Variants in SYNPR observed in about 807,000 individuals in gnomAD.
The protein encoded by SYNPR is synaptoporin.
SYNPR carries 23 observed loss-of-function variants against 32.9 expected under a neutral mutation model. The observed-to-expected ratio is 0.70, with a 90% confidence interval of 0.50 to 0.99. The LOEUF is 0.99. SYNPR is among the 50% of genes least tolerant of loss of function. The pLI is 0.00. For synonymous variants in SYNPR, 146 were observed against 135.9 expected (o/e 1.07, Z -0.52); for missense variants, 318 against 349.3 (o/e 0.91, Z 0.71).
At chr3:63,401,807 A>G (rs1306661831) in intron 2 of SYNPR, among the ~76,000 whole-genome samples, 1 of 152,172 alleles carries the variant, frequency 6.6e-6, no homozygotes, top group Non-Finnish European at 1.5e-5. Context: ...TGTGGGAATC[A>G]AAATTGTGCT....
intron 2 of SYNPR, among the ~76,000 whole-genome samples, chr3:63,383,568 T>C (rs150775085): frequency 1.3e-5 from 2 of 152,164 alleles, no homozygotes; most frequent in Admixed American, 6.5e-5. Flanking sequence ...ATACAAAAAA[T>C]TAGCCAGGCA....
intron 2 of SYNPR, among the ~76,000 whole-genome samples, chr3:63,329,536 A>G (rs2087203196): frequency 6.6e-6 from 1 of 152,212 alleles, no homozygotes; most frequent in Non-Finnish European, 1.5e-5. Context: ...AATTAGAGAA[A>G]ATCTCAAAAT....
At chr3:63,420,596 A>G (rs1230534192) in intron 2 of SYNPR, among the ~76,000 whole-genome samples, 1 of 152,214 alleles carries the variant, frequency 6.6e-6, no homozygotes, top group African/African-American at 2.4e-5. Flanking sequence ...CTGAAACTAT[A>G]GTTTTAAAAA....
At chr3:63,452,426 C>T (rs17394613) in intron 2 of SYNPR, among the ~76,000 whole-genome samples, 1,990 of 152,228 alleles carry the variant, frequency 0.013, 23 homozygotes, top group Middle Eastern at 0.02. Flanking sequence ...TTAAGCCTCG[C>T]AACTATGCTT....
intron 4 of SYNPR, among the ~76,000 whole-genome samples, chr3:63,556,979 G>C (rs2106828566): frequency 6.6e-6 from 1 of 152,182 alleles, no homozygotes. Context: ...TAAATGATTA[G>C]AAATCTCATG....
chr3:63,593,906 A>G (rs952658442), intron 4 of SYNPR, among the ~76,000 whole-genome samples: 1 of 152,092 alleles, frequency 6.6e-6, no homozygotes, highest in East Asian at 1.9e-4. Context: ...ACTCTCTTCC[A>G]TTTTTAGAAC....
At chr3:63,520,070 A>C (rs950422346) in intron 3 of SYNPR, among the ~76,000 whole-genome samples, 1 of 152,172 alleles carries the variant, frequency 6.6e-6, no homozygotes, top group African/African-American at 2.4e-5. Flanking sequence ...TTTTTCACAG[A>C]ATATCTTACA....
chr3:63,394,334 C>A (rs1353860861), intron 2 of SYNPR, among the ~76,000 whole-genome samples: 1 of 152,150 alleles, frequency 6.6e-6, no homozygotes, highest in African/African-American at 2.4e-5. Flanking sequence ...CTAACTTTAA[C>A]CTTACTCACT....
chr3:63,299,489 G>T, intron 2 of SYNPR, among the ~76,000 whole-genome samples: 1 of 152,188 alleles, frequency 6.6e-6, no homozygotes, highest in Admixed American at 6.5e-5. Context: ...TAAGCTCACA[G>T]TTCGAGGGCC....
intron 3 of SYNPR, among the ~76,000 whole-genome samples, chr3:63,555,838 A>G (rs1239500316): frequency 6.6e-6 from 1 of 152,230 alleles, no homozygotes; most frequent in African/African-American, 2.4e-5. Flanking sequence ...CTGAAAAAAA[A>G]AGTAATCAAA....
Position 63,575,616 on chromosome 3 carries a change from C to T in SYNPR, c.408+18875C>T, listed in dbSNP as rs567293731. Reference sequence around the variant, plus strand: ...GAAAATAATATTCCAACAGACTCTGCTTACTCAGAGAAAATGTCAGTTTAC... The same window carrying T: ...GAAAATAATATTCCAACAGACTCTGTTTACTCAGAGAAAATGTCAGTTTAC... On this transcript the variant is annotated intron_variant, in intron 4 of 5. Transcript: ENST00000478300. Among the ~76,000 whole-genome samples the T allele has an allele frequency of 3.3e-4, 50 of 152,226 alleles. 3 individuals carry two copies. The South Asian group carries it at 0.01, about 31-fold the overall frequency.
At chr3:63,434,476 A>T (rs1700045408) in intron 2 of SYNPR, among the ~76,000 whole-genome samples, 1 of 152,168 alleles carries the variant, frequency 6.6e-6, no homozygotes, top group South Asian at 2.1e-4. Context: ...CCCCCCCTTC[A>T]TGGGGAAATG....
At chr3:63,581,586 C>T (rs1703093301) in intron 4 of SYNPR, among the ~76,000 whole-genome samples, 1 of 152,086 alleles carries the variant, frequency 6.6e-6, no homozygotes, top group Non-Finnish European at 1.5e-5. Flanking sequence ...GAGTATGCGT[C>T]CATCTCAGCT....
At chr3:63,369,649 G>A (rs1159687640) in intron 2 of SYNPR, among the ~76,000 whole-genome samples, 1 of 152,192 alleles carries the variant, frequency 6.6e-6, no homozygotes, top group Non-Finnish European at 1.5e-5. Flanking sequence ...CCATTTTGCT[G>A]TCTTTGTGTT....
chr3:63,337,878 T>C (rs116035512), intron 2 of SYNPR, among the ~76,000 whole-genome samples: 2,831 of 152,186 alleles, frequency 0.019, 83 homozygotes, highest in African/African-American at 0.065. Context: ...GAAGGATGAA[T>C]AGGTGGAGCA....
At chr3:63,442,545 G>A (rs537215487) in intron 2 of SYNPR, among the ~76,000 whole-genome samples, 1 of 152,246 alleles carries the variant, frequency 6.6e-6, no homozygotes, top group Admixed American at 6.5e-5. Context: ...ATTGCCTCAA[G>A]GTGCTATGAT....
chr3:63,253,725 T>C (rs757306647), intron 2 of SYNPR, among the ~76,000 whole-genome samples: 3 of 152,200 alleles, frequency 2.0e-5, no homozygotes, highest in Non-Finnish European at 4.4e-5. Flanking sequence ...GGTGGGACTG[T>C]AAACTAGTTC....
rs1389649619 is a variant in SYNPR at position 63,476,179 on chromosome 3, G to C, written c.85-4653G>C. Among the ~76,000 whole-genome samples, 12 of 55,028 alleles carry C rather than the reference G, an allele frequency of 2.2e-4. 1 individual carries two copies. The East Asian group carries it at 2.6e-3, about 12-fold the overall frequency. The allele number at this position is 55,028 out of a possible 152,430, so 36.1% of individuals were successfully genotyped here. Reference sequence around the variant, plus strand: ...GGAGGGAGGGAGGGAGGGAGGGAAGGAAGGGAAGGGAGGGAAGCAAGGGAA... The same window carrying C: ...GGAGGGAGGGAGGGAGGGAGGGAAGCAAGGGAAGGGAGGGAAGCAAGGGAA... On this transcript the variant is annotated intron_variant, in intron 2 of 5. Coordinates refer to ENST00000478300, the MANE Select transcript of SYNPR (RefSeq NM_001130003.2).
At chr3:63,204,695 C>A in the SYNPR span, among the ~76,000 whole-genome samples, 1 of 148,564 alleles carries the variant, frequency 6.7e-6, no homozygotes, top group Non-Finnish European at 1.5e-5. Context: ...TTTTTTTTTT[C>A]TTTTTTTTGA....
Sources: allele counts gnomAD v4.1 joint callset (sites outside exome capture counted in the v4.1 genomes callset), GRCh38; gene constraint gnomAD v4.1.1; transcripts MANE v1.5; gene names NCBI Gene and HGNC (gene_info 2026-07-23, HGNC 2026-07-21).